SND1: variants seen among roughly 807,000 people sequenced by gnomAD.
SND1 encodes the protein staphylococcal nuclease domain-containing protein 1.
In SND1, 38 loss-of-function variants were observed where a neutral mutation model predicts 121.7. The ratio of observed to expected loss-of-function variants is 0.31; its 90% confidence interval spans 0.24 to 0.41. The LOEUF (loss-of-function observed/expected upper bound fraction) is 0.41, where lower values mean the gene tolerates loss of function less well. Among genes scored for constraint, SND1 ranks in the 10% least tolerant of loss-of-function variants. SND1 has a pLI of 1.00. For missense variants in SND1, 868 were observed against 1,184.6 expected, an observed-to-expected ratio of 0.73 and a Z score of 3.92; for synonymous variants, 401 against 447.4, an observed-to-expected ratio of 0.90 and a Z score of 1.31.
At chr7:128,008,394 C>A (rs943482428) in intron 16 of SND1, among the ~76,000 whole-genome samples, 3 of 152,012 alleles carry the variant, frequency 2.0e-5, no homozygotes, top group African/African-American at 7.2e-5. Context: ...CGTGCCAAAT[C>A]CAAGCTTCAG....
chr7:127,752,459 G>T (rs1207349014), intron 10 of SND1, among the ~76,000 whole-genome samples: 1 of 152,220 alleles, frequency 6.6e-6, no homozygotes, highest in Non-Finnish European at 1.5e-5. Flanking sequence ...TTTCACTGCT[G>T]GACAGGCTGC....
At position 127,696,699 on chromosome 7, in the gene SND1, A is replaced by C. The variant is rs142298283; in HGVS notation, c.349+1751A>C. Among the ~76,000 whole-genome samples, 524 of 152,372 alleles carry C rather than the reference A, an allele frequency of 3.4e-3. 2 individuals carry two copies. Among genetic ancestry groups the C allele is most frequent in the African/African-American group, 0.012 (479 of 41,594 alleles). ...ATTTTAATACCCTTGGTCTTCAGCCAAAATGGCCAAATTGTTTATTTTAAG... is the reference window on the plus strand; with the variant it reads ...ATTTTAATACCCTTGGTCTTCAGCCCAAATGGCCAAATTGTTTATTTTAAG... On this transcript the variant is annotated intron_variant, in intron 3 of 23. Transcript: ENST00000354725.
rs555782581 is a variant in SND1 at position 127,767,006 on chromosome 7, C to T, written c.1153-40478C>T. Among the ~76,000 whole-genome samples, 34 of 151,944 alleles carry T rather than the reference C, an allele frequency of 2.2e-4. 1 individual carries two copies. Among genetic ancestry groups the T allele is most frequent in the Admixed American group, 2.2e-3 (33 of 15,252 alleles). On this transcript the variant is annotated intron_variant, in intron 10 of 23. Coordinates refer to ENST00000354725, the MANE Select transcript of SND1 (RefSeq NM_014390.4). ...AACAAAATACAGCTCATGGCAATAA[C>T]ACTGTGGCACCCTAGATGTTTAGAT...
In SND1 at chr7:127,740,271, G is replaced by C. The variant is rs968158911; in HGVS notation, c.1152+18871G>C. Among the ~76,000 whole-genome samples, 4 of 152,294 alleles carry C rather than the reference G, an allele frequency of 2.6e-5. No homozygotes were observed. The South Asian group carries it at 8.3e-4, about 32-fold the overall frequency. On this transcript the variant is annotated intron_variant, in intron 10 of 23. Transcript: ENST00000354725. ...TTATTCATTAGGCATCTATTGAATG[G>C]ATAAGGTTTGTAAAAAAGCCATTTT...
At chr7:128,003,657 A>G (rs1802890275) in intron 16 of SND1, among the ~76,000 whole-genome samples, 1 of 152,228 alleles carries the variant, frequency 6.6e-6, no homozygotes, top group Admixed American at 6.5e-5. Flanking sequence ...TTTTCATAGC[A>G]GTGCTGCAGC....
chr7:128,026,381 A>G (rs1803478403), intron 16 of SND1, among the ~76,000 whole-genome samples: 1 of 152,128 alleles, frequency 6.6e-6, no homozygotes, highest in South Asian at 2.1e-4. Flanking sequence ...AGGATTAAGA[A>G]TTGGCCCTTT....
chr7:127,925,545 G>GT (rs1171855125), intron 14 of SND1, among the ~76,000 whole-genome samples: 2 of 151,696 alleles, frequency 1.3e-5, no homozygotes, highest in Non-Finnish European at 2.9e-5. Context: ...AAGTCCTGTA[G>GT]TTGTTATCTC....
chr7:127,748,973 A>G (rs574061110), intron 10 of SND1, among the ~76,000 whole-genome samples: 2 of 151,990 alleles, frequency 1.3e-5, no homozygotes, highest in African/African-American at 4.8e-5. Context: ...TGCACCCCCC[A>G]TGAAGTCAGA....
chr7:127,922,663 G>T (rs1352364865), intron 14 of SND1, among the ~76,000 whole-genome samples: 2 of 152,104 alleles, frequency 1.3e-5, no homozygotes, highest in African/African-American at 4.8e-5. Context: ...GCACTACTTT[G>T]CCCTGTGGCT....
intron 13 of SND1, among the ~76,000 whole-genome samples, chr7:127,900,136 TCA>T (rs1800200034): frequency 6.6e-6 from 1 of 152,172 alleles, no homozygotes; most frequent in South Asian, 2.1e-4. Context: ...CTCAGAAAAT[TCA>T]CAGATACTTT....
chr7:128,053,466 A>C, intron 16 of SND1, among the ~76,000 whole-genome samples: 1 of 151,826 alleles, frequency 6.6e-6, no homozygotes, highest in East Asian at 1.9e-4. Context: ...CTCAGGGTTC[A>C]AAAAAAATGG....
intron 1 of SND1, among the ~76,000 whole-genome samples, chr7:127,677,833 C>T (rs1795642274): frequency 6.6e-6 from 1 of 152,182 alleles, no homozygotes; most frequent in South Asian, 2.1e-4. Flanking sequence ...CAAAAACAGG[C>T]AGTAGGCTGG....
At chr7:127,857,652 G>A (rs1022429411) in intron 12 of SND1, among the ~76,000 whole-genome samples, 2 of 151,910 alleles carry the variant, frequency 1.3e-5, no homozygotes, top group African/African-American at 2.4e-5. Flanking sequence ...GGACCAAGGC[G>A]AGTCCAAAGG....
intron 16 of SND1, among the ~76,000 whole-genome samples, chr7:128,026,110 C>T (rs1376636589): frequency 3.3e-5 from 5 of 152,080 alleles, no homozygotes; most frequent in African/African-American, 1.2e-4. Context: ...AATGCATACC[C>T]AGGAAGCTGT....
At chr7:127,978,696 T>C (rs1023340916) in intron 15 of SND1, among the ~76,000 whole-genome samples, 1 of 152,182 alleles carries the variant, frequency 6.6e-6, no homozygotes, top group Non-Finnish European at 1.5e-5. Flanking sequence ...TTTTTAAATA[T>C]TATTTTTATT....
At chr7:127,983,826 A>G (rs1471566195) in intron 15 of SND1, among the ~76,000 whole-genome samples, 1 of 152,196 alleles carries the variant, frequency 6.6e-6, no homozygotes, top group African/African-American at 2.4e-5. Flanking sequence ...TTAAGACTGA[A>G]TAACATTTTC....
intron 10 of SND1, among the ~76,000 whole-genome samples, chr7:127,773,296 C>CA (rs1200103891): frequency 6.6e-6 from 1 of 151,722 alleles, no homozygotes; most frequent in Non-Finnish European, 1.5e-5. Context: ...TACTAAAATG[C>CA]AAAAAATTAG....
At chr7:127,823,123 C>G (rs1798579554) in intron 11 of SND1, among the ~76,000 whole-genome samples, 1 of 152,140 alleles carries the variant, frequency 6.6e-6, no homozygotes, top group African/African-American at 2.4e-5. Context: ...GAGTGAGAGA[C>G]AGAAGGGGAT....
intron 16 of SND1, among the ~76,000 whole-genome samples, chr7:128,005,497 A>G (rs1351551469): frequency 1.3e-5 from 2 of 152,228 alleles, no homozygotes; most frequent in Admixed American, 6.5e-5. Flanking sequence ...AGAGATCAAT[A>G]GCAATTCACC....
Sources: gnomAD v4.1 joint callset for allele counts (sites outside exome capture counted in the v4.1 genomes callset) on GRCh38, gnomAD v4.1.1 for gene constraint, MANE v1.5 for transcripts, NCBI Gene and HGNC (gene_info 2026-07-23, HGNC 2026-07-21) for gene names.